The following GNAI2 variants were observed in gnomAD, a reference collection of about 807,000 sequenced individuals.
The protein encoded by GNAI2 is G protein subunit alpha i2.
GNAI2 carries 4 observed loss-of-function variants against 36.8 expected under a neutral mutation model. The observed-to-expected ratio is 0.11, with a 90% CI of 0.05 to 0.25. The LOEUF is 0.25. Among genes scored for constraint, GNAI2 ranks in the 10% least tolerant of loss-of-function variants. The pLI is 1.00. For synonymous variants in GNAI2, 194 were observed against 194.1 expected, an observed-to-expected ratio of 1.00 and a Z score of 0.01; for missense variants, 230 against 481.3, an observed-to-expected ratio of 0.48 and a Z score of 4.89.
At chr3:50,251,583 C>G in intron 1 of GNAI2, 1 of 1,220,676 alleles carries the variant, frequency 8.2e-7, no homozygotes. Flanking sequence ...TGGGCCATGT[C>G]CAGAAAGCTG....
upstream of GNAI2, chr3:50,227,265 G>T: frequency 2.4e-6 from 2 of 817,932 alleles, no homozygotes; most frequent in African/African-American, 1.8e-5. The surrounding 1 kb of genome is among the most constrained non-coding windows in gnomAD (Gnocchi z 5.9). Context: ...GGGGGATGGG[G>T]TGCCACAGAG....
chr3:50,251,981 C>T (rs1411890449), intron 1 of GNAI2, 119 bp from the exon 2 acceptor site: 21 of 1,025,464 alleles, frequency 2.0e-5, no homozygotes, highest in South Asian at 3.0e-5. Flanking sequence ...CTCCATCTCA[C>T]GGTGCAGCTG....
chr3:50,237,953 C>T (rs1251215649), intron 1 of GNAI2, among the ~76,000 whole-genome samples: 7 of 152,248 alleles, frequency 4.6e-5, no homozygotes, highest in Admixed American at 3.3e-4. Flanking sequence ...CATCTGTTGA[C>T]TGTCCCTGCG....
At chr3:50,254,683 G>C (rs1357061009) in intron 4 of GNAI2, among the ~76,000 whole-genome samples, 1 of 152,214 alleles carries the variant, frequency 6.6e-6, no homozygotes. Flanking sequence ...TGGTGCCCAT[G>C]ATACTCAAAG....
At chr3:50,233,191 G>A (rs1553699961), upstream of GNAI2, among the ~76,000 whole-genome samples, 1 of 152,136 alleles carries the variant, frequency 6.6e-6, no homozygotes, top group Non-Finnish European at 1.5e-5. Context: ...GACTCCCTGG[G>A]AAGAGCATAG....
chr3:50,229,852 C>G (rs2109169755), upstream of GNAI2: 1 of 152,514 alleles, frequency 6.6e-6, no homozygotes, highest in African/African-American at 2.4e-5. Context: ...GTGTGTTCCT[C>G]AAGGACAGGG....
rs1700581179 is a variant in GNAI2 at position 50,252,409 on chromosome 3, G to A, written c.174G>A (p.Glu58=). 1.2e-6 allele frequency: 2 copies of A among 1,613,622 alleles called. No individual in the cohort carries two copies. The highest frequency in any genetic ancestry group is 1.7e-6 in the Non-Finnish European group (2 of 1,179,982). ...CCCTGGCTATCAGGATCATCCACGAGGATGGCTACTCCGAGGAGGAATGCC... is the reference window on the plus strand; with the variant it reads ...CCCTGGCTATCAGGATCATCCACGAAGATGGCTACTCCGAGGAGGAATGCC... The part of the protein sequence containing the change: ...TIVKQMKIIH[E]DGYSEEECRQ... The change falls in exon 3 of 9, where the codon GAG becomes GAA. Residue 58 remains glutamate, a synonymous_variant. Transcript: ENST00000313601. This position sits in a 1 kb window ranked among gnomAD's most constrained non-coding sequence, Gnocchi z 4.1.
chr3:50,229,651 A>G (rs1700038816), upstream of GNAI2: 1 of 152,168 alleles, frequency 6.6e-6, no homozygotes, highest in Admixed American at 6.5e-5. Context: ...CTCCTTCCCA[A>G]CCCAGGGCCC....
At position 50,259,296 on chromosome 3, in the gene GNAI2, CAT is replaced by C. The variant is rs1394196636; in HGVS notation, c.*954_*955del. 7 of 163,718 alleles carry C rather than the reference CAT, an allele frequency of 4.3e-5. No individual in the cohort carries two copies. The highest frequency in any genetic ancestry group is 9.4e-5 in the Non-Finnish European group (7 of 74,328). The allele number at this position is 163,718 out of a possible 1,614,324, so 10.1% of individuals were successfully genotyped here. Reference sequence around the variant, plus strand: ...GTTGAACACTTCCTTGCTTTTTTCACATGTTTTATGGAATTGTTCACCTGGTT... The same window carrying C: ...GTTGAACACTTCCTTGCTTTTTTCACGTTTTATGGAATTGTTCACCTGGTT... On this transcript the variant is annotated 3_prime_UTR_variant, in exon 9 of 9. Transcript: ENST00000313601.
chr3:50,240,930 A>G (rs1174374493), intron 1 of GNAI2, among the ~76,000 whole-genome samples: 3 of 122,704 alleles, frequency 2.4e-5, no homozygotes, highest in East Asian at 1.9e-4. Flanking sequence ...AAAAAAAAAA[A>G]AAAAAAGAAA....
chr3:50,237,193 C>CTCCAACCCA (rs1700193366), intron 1 of GNAI2, among the ~76,000 whole-genome samples: 1 of 152,218 alleles, frequency 6.6e-6, no homozygotes, highest in Non-Finnish European at 1.5e-5. Flanking sequence ...GGCTAGGAGG[C>CTCCAACCCA]GGGAGCCCTG....
At chr3:50,251,499 T>C in intron 1 of GNAI2, 1 of 1,115,070 alleles carries the variant, frequency 9.0e-7, no homozygotes, top group Non-Finnish European at 1.1e-6. Context: ...ACACTGTAGG[T>C]CTCCTAGATT....
Position 50,257,555 on chromosome 3 carries a change from G to GT in GNAI2, c.933_934insT (p.Asn312Ter). ...ACATCCAGAGTAAGTTTGAGGACCT[G>GT]AATAAGCGCAAAGACACCAAGGAGA... On this transcript the variant is annotated frameshift_variant, in exon 8 of 9. Coordinates refer to ENST00000313601, the MANE Select transcript of GNAI2 (RefSeq NM_002070.4). LOFTEE classifies it high-confidence loss of function. 1 of 1,462,126 alleles carries GT rather than the reference G, an allele frequency of 6.8e-7. No homozygotes were observed. The highest frequency in any genetic ancestry group is 9.1e-7 in the Non-Finnish European group (1 of 1,100,664). 90.6% of individuals were successfully genotyped at this position (1,462,126 alleles called of 1,614,324 possible).
chr3:50,243,859 G>A (rs1353712797), intron 1 of GNAI2, among the ~76,000 whole-genome samples: 3 of 152,150 alleles, frequency 2.0e-5, no homozygotes, highest in Admixed American at 6.5e-5. Flanking sequence ...CAGGCAGACG[G>A]TGTGGGTGCG....
At chr3:50,251,689 C>T (rs781854736) in intron 1 of GNAI2, 1 of 1,344,484 alleles carries the variant, frequency 7.4e-7, no homozygotes, top group Non-Finnish European at 9.8e-7. Flanking sequence ...GTATGCAGGG[C>T]ATCTTCCTGC....
intron 1 of GNAI2, chr3:50,246,880 C>A: frequency 2.1e-6 from 3 of 1,431,862 alleles, no homozygotes; most frequent in Non-Finnish European, 1.8e-6. Context: ...CAGCGGAAAG[C>A]CAACAGAGGA....
chr3:50,246,750 G>A, intron 1 of GNAI2: 1 of 452,298 alleles, frequency 2.2e-6, no homozygotes, highest in Non-Finnish European at 3.8e-6. Flanking sequence ...CTCCAGGGAG[G>A]TGTGCCTGGC....
chr3:50,250,309 G>A (rs990050414), intron 1 of GNAI2, among the ~76,000 whole-genome samples: 2 of 152,176 alleles, frequency 1.3e-5, no homozygotes. Flanking sequence ...TTCATCCTCT[G>A]AGGTTGTTTT....
At chr3:50,247,535 G>A (rs1207243952) in intron 1 of GNAI2, among the ~76,000 whole-genome samples, 1 of 152,232 alleles carries the variant, frequency 6.6e-6, no homozygotes. Context: ...AAGACCTGTG[G>A]GCCTGTCTCT....
Sources: allele counts gnomAD v4.1 joint callset (sites outside exome capture counted in the v4.1 genomes callset), GRCh38; gene constraint gnomAD v4.1.1; non-coding constraint Gnocchi (gnomAD v3.1); transcripts MANE v1.5; gene names NCBI Gene and HGNC (gene_info 2026-07-23, HGNC 2026-07-21).